FLRT2: variants seen among roughly 807,000 people sequenced by gnomAD.
The protein encoded by FLRT2 is leucine-rich repeat transmembrane protein FLRT2.
A neutral mutation model predicts 40.0 loss-of-function variants in FLRT2; 15 were observed. That is an observed-to-expected ratio of 0.38 (90% CI 0.25 to 0.58). FLRT2 has a LOEUF of 0.58. Among genes scored for constraint, FLRT2 ranks in the 20% least tolerant of loss-of-function variants. The pLI, the probability that FLRT2 is intolerant of heterozygous loss-of-function variation, is 0.71. For synonymous variants in FLRT2, 380 were observed against 336.8 expected, an observed-to-expected ratio of 1.13 and a Z score of -1.41; for missense variants, 726 against 840.0, an observed-to-expected ratio of 0.86 and a Z score of 1.68.
In FLRT2 at chr14:85,638,227, G is replaced by C. The variant is rs1894058003; in HGVS notation, c.*14730G>C. The C allele has an allele frequency of 6.6e-6, 1 of 152,166 alleles. No individual in the cohort carries two copies. The highest frequency in any genetic ancestry group is 2.4e-5 in the African/African-American group (1 of 41,438). The allele number at this position is 152,166 out of a possible 1,614,324, so 9.4% of individuals were successfully genotyped here. A position where few individuals can be genotyped will look rare whatever the true frequency, so the allele number is the denominator to read the frequency against. On this transcript the variant is annotated 3_prime_UTR_variant, in exon 2 of 2. Coordinates refer to ENST00000330753, the MANE Select transcript of FLRT2 (RefSeq NM_013231.6). ...GAGAGCAAGGTTTACCTGTGTGGTT[G>C]GCATTCTTGGAAGTGCTCTGGTTCT...
rs140253832 is a variant in FLRT2 at position 85,604,309 on chromosome 14, A to C, written c.-376-16830A>C. ...TCATGACTTCCTGAGTCTTATCCAG[A>C]TCTTCCTTTACTTATGCCTATTTCC... is the stretch of plus-strand genomic sequence containing the variant. On this transcript the variant is annotated intron_variant, in intron 1 of 1. Coordinates refer to ENST00000330753, the MANE Select transcript of FLRT2 (RefSeq NM_013231.6). 9.4e-4 allele frequency among the ~76,000 whole-genome samples: 143 copies of C among 152,234 alleles called. 1 individual carries two copies. The highest frequency in any genetic ancestry group is 3.2e-3 in the African/African-American group (134 of 41,532).
intron 1 of FLRT2, among the ~76,000 whole-genome samples, chr14:85,563,307 C>T (rs1025782112): frequency 2.0e-5 from 3 of 152,126 alleles, no homozygotes; most frequent in African/African-American, 4.8e-5. Flanking sequence ...TGTCTGACTC[C>T]ATGGTCTATG....
At chr14:85,536,285 G>A (rs1888654659) in intron 1 of FLRT2, among the ~76,000 whole-genome samples, 1 of 152,028 alleles carries the variant, frequency 6.6e-6, no homozygotes, top group Admixed American at 6.6e-5. Context: ...AAGTCCAGAA[G>A]CTTTATTCTG....
At chr14:85,608,276 C>G (rs1892713925) in intron 1 of FLRT2, among the ~76,000 whole-genome samples, 1 of 151,618 alleles carries the variant, frequency 6.6e-6, no homozygotes, top group Non-Finnish European at 1.5e-5. Flanking sequence ...GTTGCCCAGG[C>G]TGGAGTGCAG....
rs1893520143 is a variant in FLRT2 at position 85,623,412 on chromosome 14, G to A, written c.1898G>A (p.Gly633Asp). Residue 633 changes from glycine to aspartate, a missense_variant, in exon 2 of 2, where the codon GGC (glycine) becomes GAC (aspartate). Gly to Asp is a moderately conservative substitution (Grantham distance 94, BLOSUM62 -1). Transcript: ENST00000330753. ...RLQPIYTPNG[G>D]INYTDCHIPN... ...CAGCCCATTTACACCCCAAATGGGG[G>A]CATTAATTACACAGACTGCCATATC... 2 of 1,503,338 alleles carry A rather than the reference G, an allele frequency of 1.3e-6. No homozygotes were observed. Among genetic ancestry groups the A allele is most frequent in the Non-Finnish European group, 1.8e-6 (2 of 1,128,718 alleles). The allele number at this position is 1,503,338 out of a possible 1,614,324, so 93.1% of individuals were successfully genotyped here.
intron 1 of FLRT2, among the ~76,000 whole-genome samples, chr14:85,562,147 A>T (rs896820677): frequency 5.9e-5 from 9 of 152,216 alleles, no homozygotes; most frequent in African/African-American, 1.7e-4. Flanking sequence ...AAAACCTTGG[A>T]CTAAATGCAG....
intron 1 of FLRT2, among the ~76,000 whole-genome samples, chr14:85,552,385 G>A (rs1196724879): frequency 1.5e-4 from 23 of 152,230 alleles, no homozygotes; most frequent in South Asian, 1.5e-3. Context: ...GTTGCCATGA[G>A]GATTAAATAA....
chr14:85,642,604 G>A lies in FLRT2; in HGVS notation c.*19107G>A, dbSNP rs577903445. On this transcript the variant is annotated 3_prime_UTR_variant, in exon 2 of 2. Coordinates refer to ENST00000330753, the MANE Select transcript of FLRT2 (RefSeq NM_013231.6). ...TTATTTTTTATCAGGAGAAATCTGCGGACTATGTATGGCAACAGACTCAAA... is the reference window on the plus strand; with the variant it reads ...TTATTTTTTATCAGGAGAAATCTGCAGACTATGTATGGCAACAGACTCAAA... The A allele has an allele frequency of 3.3e-5, 5 of 152,166 alleles. No individual in the cohort carries two copies. Among genetic ancestry groups the A allele is most frequent in the Admixed American group, 2.0e-4 (3 of 15,276 alleles). The allele number at this position is 152,166 out of a possible 1,614,324, so 9.4% of individuals were successfully genotyped here.
chr14:85,568,711 A>G (rs1890748350), intron 1 of FLRT2, among the ~76,000 whole-genome samples: 1 of 152,128 alleles, frequency 6.6e-6, no homozygotes. Flanking sequence ...CCACTTCACT[A>G]TGGAGCCCAA....
chr14:85,605,663 G>A (rs1037780734), intron 1 of FLRT2, among the ~76,000 whole-genome samples: 11 of 151,992 alleles, frequency 7.2e-5, no homozygotes, highest in Admixed American at 3.3e-4. Context: ...CCAGCTACTC[G>A]GGAGGCTGAA....
At chr14:85,592,809 A>ATT (rs1165737624) in intron 1 of FLRT2, among the ~76,000 whole-genome samples, 1 of 33,366 alleles carries the variant, frequency 3.0e-5, no homozygotes. Context: ...AAAAAAAAAG[A>ATT]AAAAAAAGAA....
chr14:85,554,040 C>T (rs900690231), intron 1 of FLRT2, among the ~76,000 whole-genome samples: 4 of 152,162 alleles, frequency 2.6e-5, no homozygotes, highest in Non-Finnish European at 4.4e-5. Context: ...GAAGCAAGGC[C>T]TCCCTTCTCT....
chr14:85,601,786 A>G (rs1892387646), intron 1 of FLRT2, among the ~76,000 whole-genome samples: 1 of 152,202 alleles, frequency 6.6e-6, no homozygotes. Context: ...AAATAATTAT[A>G]ATTATTACTG....
intron 1 of FLRT2, among the ~76,000 whole-genome samples, chr14:85,534,359 T>A (rs1888511696): frequency 6.6e-6 from 1 of 152,182 alleles, no homozygotes; most frequent in Non-Finnish European, 1.5e-5. Context: ...TTAGCATTTT[T>A]AAAAAATGAT....
rs542610711 is a variant in FLRT2 at position 85,611,262 on chromosome 14, C to T, written c.-376-9877C>T. Among the ~76,000 whole-genome samples, 4 of 48,698 alleles carry T rather than the reference C, an allele frequency of 8.2e-5. No homozygotes were observed. In the East Asian group the frequency reaches 3.4e-3, roughly 42 times the overall value. The allele number at this position is 48,698 out of a possible 152,430, so 31.9% of individuals were successfully genotyped here. On this transcript the variant is annotated intron_variant, in intron 1 of 1. Coordinates refer to ENST00000330753, the MANE Select transcript of FLRT2 (RefSeq NM_013231.6). ...TGTGCGTCACACGGGCCTCCTGCTT[C>T]ATCAGACACAGTGGCCACTCAACAA...
intron 1 of FLRT2, among the ~76,000 whole-genome samples, chr14:85,535,526 C>T (rs1001469470): frequency 6.6e-6 from 1 of 152,154 alleles, no homozygotes; most frequent in Non-Finnish European, 1.5e-5. Context: ...CTACTTATGA[C>T]GGGCAAGCCA....
intron 1 of FLRT2, among the ~76,000 whole-genome samples, chr14:85,569,053 G>A (rs895201188): frequency 3.9e-5 from 6 of 152,118 alleles, no homozygotes; most frequent in Admixed American, 2.6e-4. Context: ...CAGTTTCCTA[G>A]TGACTGCAAC....
Position 85,648,439 on chromosome 14 carries a change from C to A in FLRT2, c.*24942C>A, listed in dbSNP as rs1347440031. On this transcript the variant is annotated 3_prime_UTR_variant, in exon 2 of 2. Coordinates refer to ENST00000330753, the MANE Select transcript of FLRT2 (RefSeq NM_013231.6). ...TGGAAAGGCAAAAATGAGGCAGAGG[C>A]CATCTTTGTGTTGCTGGTTTGATTA... 1 of 152,022 alleles carries A rather than the reference C, an allele frequency of 6.6e-6. No individual in the cohort carries two copies. The highest frequency in any genetic ancestry group is 1.5e-5 in the Non-Finnish European group (1 of 68,004). The allele number at this position is 152,022 out of a possible 1,614,324, so 9.4% of individuals were successfully genotyped here.
chr14:85,583,004 C>T (rs1045101334), intron 1 of FLRT2, among the ~76,000 whole-genome samples: 1 of 151,950 alleles, frequency 6.6e-6, no homozygotes, highest in Non-Finnish European at 1.5e-5. Context: ...CTGTCCCTGC[C>T]CTTATCTAAA....
Sources: gnomAD v4.1 joint callset for allele counts (sites outside exome capture counted in the v4.1 genomes callset) on GRCh38, gnomAD v4.1.1 for gene constraint, MANE v1.5 for transcripts, NCBI Gene and HGNC (gene_info 2026-07-23, HGNC 2026-07-21) for gene names.